The following SMAD1 variants were observed in gnomAD, a reference collection of about 807,000 sequenced individuals.
The protein encoded by SMAD1 is MAD, mothers against decapentaplegic homolog 1.
In SMAD1, 6 loss-of-function variants were observed where a neutral mutation model predicts 41.6. That is an observed-to-expected ratio of 0.14 (90% CI 0.08 to 0.28). The LOEUF (loss-of-function observed/expected upper bound fraction) is 0.28. Ranked by LOEUF, SMAD1 falls within the 10% of genes least tolerant of loss-of-function variation. The probability of loss-of-function intolerance (pLI) is 1.00; values close to 1 mark genes in which losing one functional copy is unlikely to be tolerated. For synonymous variants in SMAD1, 206 were observed against 203.2 expected (o/e 1.01, Z -0.12); for missense variants, 379 against 582.6 (o/e 0.65, Z 3.60).
intron 2 of SMAD1, among the ~76,000 whole-genome samples, chr4:145,521,685 A>C (rs1730746478): frequency 6.6e-6 from 1 of 152,092 alleles, no homozygotes; most frequent in African/African-American, 2.4e-5. Flanking sequence ...GGGGAAGGGG[A>C]GTGGGTGTAG....
chr4:145,530,806 A>G (rs906140068), intron 2 of SMAD1, among the ~76,000 whole-genome samples: 1 of 152,242 alleles, frequency 6.6e-6, no homozygotes, highest in Non-Finnish European at 1.5e-5. Context: ...TTCCAGTTTT[A>G]TAGTACTGAG....
chr4:145,488,868 C>T (rs537383809), intron 1 of SMAD1, among the ~76,000 whole-genome samples: 6 of 152,088 alleles, frequency 3.9e-5, no homozygotes, highest in South Asian at 2.1e-4. Context: ...TTATAAGAGC[C>T]GTTACAAGGT....
At chr4:145,496,814 C>G (rs1296142340) in intron 1 of SMAD1, among the ~76,000 whole-genome samples, 1 of 152,156 alleles carries the variant, frequency 6.6e-6, no homozygotes, top group Admixed American at 6.5e-5. Flanking sequence ...CCCATAAAAC[C>G]ACCTACCACT....
intron 2 of SMAD1, among the ~76,000 whole-genome samples, chr4:145,529,858 A>G (rs1183706683): frequency 6.6e-6 from 1 of 152,202 alleles, no homozygotes; most frequent in Non-Finnish European, 1.5e-5. Context: ...CCTAGGCTGT[A>G]TTCACCCAGA....
At chr4:145,526,738 G>T (rs1225107321) in intron 2 of SMAD1, among the ~76,000 whole-genome samples, 14 of 152,120 alleles carry the variant, frequency 9.2e-5, no homozygotes, top group Non-Finnish European at 1.9e-4. Flanking sequence ...CAGTAAATGT[G>T]GAGTTCTTTA....
intron 2 of SMAD1, among the ~76,000 whole-genome samples, chr4:145,533,612 A>T (rs1296163743): frequency 2.0e-5 from 3 of 152,106 alleles, no homozygotes; most frequent in Admixed American, 2.0e-4. Context: ...TAAGCCCAGG[A>T]GTTTGAGGCT....
intron 1 of SMAD1, among the ~76,000 whole-genome samples, chr4:145,512,864 G>A (rs1730161514): frequency 1.3e-5 from 2 of 152,162 alleles, no homozygotes; most frequent in Non-Finnish European, 2.9e-5. Flanking sequence ...CTTCTGGCAA[G>A]CTGTTAGAGA....
At chr4:145,546,447 C>G in intron 4 of SMAD1, 1 of 475,074 alleles carries the variant, frequency 2.1e-6, no homozygotes, top group Non-Finnish European at 3.8e-6. Flanking sequence ...TGCTGTGCTT[C>G]CTTAGCTGGT....
Position 145,557,348 on chromosome 4 carries a change from A to AGG in SMAD1, c.1255-439_1255-438dup, listed in dbSNP as rs549818286. Among the ~76,000 whole-genome samples, 344 of 152,316 alleles carry AGG rather than the reference A, an allele frequency of 2.3e-3. 2 individuals carry two copies. The highest frequency in any genetic ancestry group is 8.0e-3 in the African/African-American group (332 of 41,572). Reference sequence around the variant, plus strand: ...GAAAGATCAAGAGCTGTGTGTTGATAGGGGGACCTTCAGTGGCTGAATAGG... The same window carrying AGG: ...GAAAGATCAAGAGCTGTGTGTTGATAGGGGGGGACCTTCAGTGGCTGAATAGG... On this transcript the variant is annotated intron_variant, in intron 6 of 6. Coordinates refer to ENST00000302085, the MANE Select transcript of SMAD1 (RefSeq NM_005900.3).
At chr4:145,529,027 A>AC (rs1273080647) in intron 2 of SMAD1, among the ~76,000 whole-genome samples, 3 of 152,236 alleles carry the variant, frequency 2.0e-5, no homozygotes, top group Admixed American at 2.0e-4. Context: ...CACTTGGTAC[A>AC]CACATGTATA....
At chr4:145,549,168 A>G (rs1358868900) in intron 5 of SMAD1, among the ~76,000 whole-genome samples, 1 of 152,192 alleles carries the variant, frequency 6.6e-6, no homozygotes, top group Non-Finnish European at 1.5e-5. Context: ...CCTGCATGCA[A>G]TATCTGACCC....
chr4:145,522,524 G>C (rs1730800916), intron 2 of SMAD1, among the ~76,000 whole-genome samples: 1 of 151,936 alleles, frequency 6.6e-6, no homozygotes, highest in African/African-American at 2.4e-5. Context: ...GCTTGAACCT[G>C]GGAGGTGGAG....
At position 145,553,917 on chromosome 4, in the gene SMAD1, G is replaced by C; in HGVS notation, c.1131G>C (p.Gly377=). The change falls in exon 6 of 7, where the codon GGG becomes GGC. Residue 377 remains glycine (G), a synonymous_variant. Coordinates refer to ENST00000302085, the MANE Select transcript of SMAD1 (RefSeq NM_005900.3). ...HPTTVCKIPS[G]CSLKIFNNQE... is the part of the protein sequence containing the mutation. ...CTACTGTTTGCAAGATCCCTAGTGG[G>C]TGTAGTCTGAAAATTTTTAACAACC... 1 of 1,614,080 alleles carries C rather than the reference G, an allele frequency of 6.2e-7. No homozygotes were observed. Among genetic ancestry groups the C allele is most frequent in the Non-Finnish European group, 8.5e-7 (1 of 1,180,018 alleles).
intron 2 of SMAD1, among the ~76,000 whole-genome samples, chr4:145,531,099 A>G (rs1731291278): frequency 6.6e-6 from 1 of 152,264 alleles, no homozygotes; most frequent in African/African-American, 2.4e-5. Flanking sequence ...ATCACCAATA[A>G]GCAGACAAAA....
intron 2 of SMAD1, among the ~76,000 whole-genome samples, chr4:145,538,662 G>A (rs374632061): frequency 7.9e-5 from 12 of 152,030 alleles, no homozygotes; most frequent in African/African-American, 2.9e-4. Context: ...GTTTCTTTGG[G>A]GAAATATATT....
At chr4:145,506,815 A>G (rs1343500580) in intron 1 of SMAD1, among the ~76,000 whole-genome samples, 1 of 152,216 alleles carries the variant, frequency 6.6e-6, no homozygotes, top group Non-Finnish European at 1.5e-5. Flanking sequence ...CAAGGTGAAG[A>G]AAATGCCCAT....
chr4:145,553,079 A>T (rs142201194), intron 5 of SMAD1, among the ~76,000 whole-genome samples: 7 of 138,604 alleles, frequency 5.1e-5, no homozygotes, highest in Admixed American at 2.2e-4. Context: ...AATTTTTTGT[A>T]TTTTTTTTTT....
At chr4:145,520,177 A>G (rs182219390) in intron 2 of SMAD1, among the ~76,000 whole-genome samples, 1 of 152,224 alleles carries the variant, frequency 6.6e-6, no homozygotes, top group Admixed American at 6.5e-5. Flanking sequence ...AAAATTAAAA[A>G]TAGAACTACC....
intron 5 of SMAD1, among the ~76,000 whole-genome samples, chr4:145,553,516 C>T (rs1005783102): frequency 1.1e-4 from 16 of 152,202 alleles, no homozygotes; most frequent in South Asian, 6.2e-4. Flanking sequence ...CTAATGCTGC[C>T]GCTGATCTAA....
Sources: gnomAD v4.1 joint callset for allele counts (sites outside exome capture counted in the v4.1 genomes callset) on GRCh38, gnomAD v4.1.1 for gene constraint, MANE v1.5 for transcripts, NCBI Gene and HGNC (gene_info 2026-07-23, HGNC 2026-07-21) for gene names.